CARD6: variants seen among roughly 807,000 people sequenced by gnomAD.
CARD6 encodes the protein caspase recruitment domain-containing protein 6.
Under a neutral mutation model 23.6 loss-of-function variants are expected in CARD6, and 27 were observed. The ratio of observed to expected loss-of-function variants is 1.14; its 90% CI spans 0.84 to 1.58. The LOEUF is 1.58. Among genes scored for constraint, CARD6 ranks in the 40% most tolerant of loss-of-function variants. CARD6 has a pLI of 0.00. For missense variants in CARD6, 1,214 were observed against 1,209.9 expected, an observed-to-expected ratio of 1.00 and a Z score of -0.05; for synonymous variants, 397 against 431.8, an observed-to-expected ratio of 0.92 and a Z score of 1.00.
rs762778936 is a variant in CARD6, at chr5:40,854,091, C to T, written c.2759C>T (p.Thr920Ile). The change falls in exon 3 of 3, where the codon ACA (threonine) becomes ATA (isoleucine). Residue 920 changes from threonine to isoleucine, a missense_variant. Coordinates refer to ENST00000254691, the MANE Select transcript of CARD6 (RefSeq NM_032587.4). Reference sequence around the variant, plus strand: ...TCTCAGCAAGGAGTCCAGATGAAGACACAAGGTGGGGCTTCAAATCCAGCT... The same window carrying T: ...TCTCAGCAAGGAGTCCAGATGAAGATACAAGGTGGGGCTTCAAATCCAGCT... ...PASQQGVQMKTQGGASNPALQ... is the reference protein window; with the variant it reads ...PASQQGVQMKIQGGASNPALQ... 5.6e-6 allele frequency: 9 copies of T among 1,614,198 alleles called. No individual in the cohort carries two copies. Among genetic ancestry groups the T allele is most frequent in the South Asian group, 1.1e-5 (1 of 91,076 alleles).
rs1384205894 is a variant in CARD6, at chr5:40,850,573, T to A, written c.842-1601T>A. 3.0e-4 allele frequency among the ~76,000 whole-genome samples: 44 copies of A among 144,518 alleles called. 1 individual carries two copies. The highest frequency in any genetic ancestry group is 1.0e-3 in the African/African-American group (39 of 38,968). 94.8% of individuals were successfully genotyped at this position (144,518 alleles called of 152,430 possible). Reference sequence around the variant, plus strand: ...CTAAAATACAAAAAAAAAAAAAAAATTAGCTGGGTGTGACGGCGGGCGCCT... The same window carrying A: ...CTAAAATACAAAAAAAAAAAAAAAAATAGCTGGGTGTGACGGCGGGCGCCT... On this transcript the variant is annotated intron_variant, in intron 2 of 2. Coordinates refer to ENST00000254691, the MANE Select transcript of CARD6 (RefSeq NM_032587.4).
intron 2 of CARD6, among the ~76,000 whole-genome samples, chr5:40,847,477 T>C (rs1295503068): frequency 1.3e-5 from 2 of 152,230 alleles, no homozygotes; most frequent in East Asian, 3.8e-4. Context: ...TATATTATTT[T>C]CCTTTAGCCT....
chr5:40,844,931 T>A (rs1745941423), intron 2 of CARD6, among the ~76,000 whole-genome samples: 1 of 150,736 alleles, frequency 6.6e-6, no homozygotes, highest in Admixed American at 6.6e-5. Flanking sequence ...TGCAATGGTG[T>A]GACCTTGCTC....
At chr5:40,848,273 A>C (rs138643817) in intron 2 of CARD6, among the ~76,000 whole-genome samples, 158 of 149,926 alleles carry the variant, frequency 1.1e-3, no homozygotes, top group African/African-American at 3.6e-3. Context: ...GCAGTGGCAC[A>C]ATCTTGGCTC....
At chr5:40,845,439 G>C (rs1399378432) in intron 2 of CARD6, among the ~76,000 whole-genome samples, 1 of 152,056 alleles carries the variant, frequency 6.6e-6, no homozygotes, top group East Asian at 1.9e-4. Context: ...AGGTACTGGG[G>C]GTTAGGATTT....
Position 40,854,177 on chromosome 5 carries a change from C to A in CARD6, c.2845C>A (p.Pro949Thr), listed in dbSNP as rs1268246989. ...TCAGTTCAAATCCGATCAGTCCAAC[C>A]CATCCACAGTCAAACACTCCCAGCC... is the stretch of plus-strand genomic sequence containing the variant. ...SSQFKSDQSN[P>T]STVKHSQPKP... is the part of the protein sequence containing the mutation. Residue 949 changes from proline (P) to threonine (T), a missense_variant, in exon 3 of 3, where the codon CCA (proline) becomes ACA (threonine). Coordinates refer to ENST00000254691, the MANE Select transcript of CARD6 (RefSeq NM_032587.4). The A allele has an allele frequency of 6.2e-7, 1 of 1,614,194 alleles. No homozygotes were observed. Among genetic ancestry groups the A allele is most frequent in the Non-Finnish European group, 8.5e-7 (1 of 1,180,046 alleles).
At chr5:40,841,759 T>C (rs2035854048) in intron 1 of CARD6, 94 bp downstream of exon 1, 1 of 1,047,162 alleles carries the variant, frequency 9.5e-7, no homozygotes, top group South Asian at 1.8e-5. Context: ...GCCTTTTATT[T>C]TTGTTAGTCT....
At chr5:40,843,913 G>A (rs1235655695) in intron 2 of CARD6, among the ~76,000 whole-genome samples, 3 of 152,126 alleles carry the variant, frequency 2.0e-5, no homozygotes, top group African/African-American at 4.8e-5. Context: ...GGAAATGATG[G>A]ACAGCATAAG....
Position 40,852,852 on chromosome 5 carries a change from T to G in CARD6, c.1520T>G (p.Ile507Arg). ...CAAATCTCTGATGGCCTGGTTGAGA[T>G]AACATGGTGTTTTCCTGATAGCGAT... ...PRQISDGLVE[I>R]TWCFPDSDDR... The change falls in exon 3 of 3, where the codon ATA (isoleucine) becomes AGA (arginine). Residue 507 changes from isoleucine (I) to arginine (R), a missense_variant. Coordinates refer to ENST00000254691, the MANE Select transcript of CARD6 (RefSeq NM_032587.4). The G allele has an allele frequency of 6.2e-7, 1 of 1,614,216 alleles. No homozygotes were observed. Among genetic ancestry groups the G allele is most frequent in the Non-Finnish European group, 8.5e-7 (1 of 1,180,044 alleles).
In CARD6 at chr5:40,841,477, C is replaced by T. The variant is rs144759983; in HGVS notation, c.95C>T (p.Thr32Met). The T allele has an allele frequency of 1.7e-4, 274 of 1,613,692 alleles. No homozygotes were observed. The highest frequency in any genetic ancestry group is 2.1e-4 in the Non-Finnish European group (253 of 1,179,902). ...CATGATCCTGATTCTATCTTAGACA[C>T]GTTAACTTCTCGGAGGCTGATTTCT... ...LQHDPDSILD[T>M]LTSRRLISEE... Residue 32 changes from threonine (T) to methionine (M), a missense_variant, in exon 1 of 3, where the codon ACG becomes ATG. By Grantham distance (81) the Thr-to-Met change is moderately conservative. Coordinates refer to ENST00000254691, the MANE Select transcript of CARD6 (RefSeq NM_032587.4).
In CARD6 at chr5:40,852,726, T is replaced by C; in HGVS notation, c.1394T>C (p.Phe465Ser). 2 of 1,613,688 alleles carry C rather than the reference T, an allele frequency of 1.2e-6. No individual in the cohort carries two copies. The highest frequency in any genetic ancestry group is 1.7e-6 in the Non-Finnish European group (2 of 1,179,794). ...TTTGTGCGTCTAGGATACTGTAGCTTCTCTAAGTCCAGAATCCTCAACACA... is the reference window on the plus strand; with the variant it reads ...TTTGTGCGTCTAGGATACTGTAGCTCCTCTAAGTCCAGAATCCTCAACACA... ...ISFVRLGYCS[F>S]SKSRILNTLL... The change falls in exon 3 of 3, where the codon TTC becomes TCC. Residue 465 changes from phenylalanine (F) to serine (S), a missense_variant. Physicochemically the swap from Phe to Ser is radical, Grantham distance 155 (BLOSUM62 -2). Transcript: ENST00000254691.
Position 40,854,472 on chromosome 5 carries a change from G to T in CARD6, c.*26G>T, listed in dbSNP as rs1746154901. ...AGAGCTAACTCCAGAGATCTATAAA[G>T]CATATCCTTTACCCAGGCCATTCCT... On this transcript the variant is annotated 3_prime_UTR_variant, in exon 3 of 3. Transcript: ENST00000254691. 1 of 1,568,692 alleles carries T rather than the reference G, an allele frequency of 6.4e-7. No homozygotes were observed.
In CARD6 at chr5:40,852,486, G is replaced by A. The variant is rs1167195181; in HGVS notation, c.1154G>A (p.Cys385Tyr). The change falls in exon 3 of 3, where the codon TGT (cysteine) becomes TAT (tyrosine). Residue 385 changes from cysteine to tyrosine, a missense_variant. Cys to Tyr is a radical substitution (Grantham distance 194). Coordinates refer to ENST00000254691, the MANE Select transcript of CARD6 (RefSeq NM_032587.4). ...PLDVLCATML[C>Y]SDSSLQRQVM... The stretch of plus-strand genomic sequence containing the variant: ...GACGTGCTTTGTGCCACCATGCTGT[G>A]TTCAGATAGCTCTTTGCAACGCCAA... 3 of 1,614,218 alleles carry A rather than the reference G, an allele frequency of 1.9e-6. No individual in the cohort carries two copies. Among genetic ancestry groups the A allele is most frequent in the African/African-American group, 1.3e-5 (1 of 75,064 alleles).
Position 40,853,247 on chromosome 5 carries a change from A to C in CARD6, c.1915A>C (p.Arg639=). 1 of 1,614,184 alleles carries C rather than the reference A, an allele frequency of 6.2e-7. No homozygotes were observed. The highest frequency in any genetic ancestry group is 8.5e-7 in the Non-Finnish European group (1 of 1,180,022). The change falls in exon 3 of 3, where the codon AGA becomes CGA. Residue 639 remains arginine, a synonymous_variant. Transcript: ENST00000254691. ...GGAAGTGATGTTCTCTTCTTGCCTC[A>C]GATGTGTGTCTGTGGAGGATATGGC... ...LQEVMFSSCL[R]CVSVEDMAAL...
chr5:40,846,901 G>T (rs1476354179), intron 2 of CARD6, among the ~76,000 whole-genome samples: 1 of 152,112 alleles, frequency 6.6e-6, no homozygotes, highest in Non-Finnish European at 1.5e-5. Flanking sequence ...CATTACTTCT[G>T]CCACATTCTG....
At position 40,852,184 on chromosome 5, in the gene CARD6, G is replaced by T. The variant is rs1419316080; in HGVS notation, c.852G>T (p.Lys284Asn). Residue 284 changes from lysine (K) to asparagine (N), a missense_variant, in exon 3 of 3, where the codon AAG (lysine) becomes AAT (asparagine). Transcript: ENST00000254691. ...EQEKSIEERK[K>N]VFKDVLLCLN... is the part of the protein sequence containing the mutation. ...TCTTCTCTCCTACAGAAAGAAAAAA[G>T]GTGTTTAAAGATGTCCTGTTATGTT... The T allele has an allele frequency of 6.3e-7, 1 of 1,598,084 alleles. No homozygotes were observed. Among genetic ancestry groups the T allele is most frequent in the Non-Finnish European group, 8.5e-7 (1 of 1,170,158 alleles).
chr5:40,852,806 C>T lies in CARD6; in HGVS notation c.1474C>T (p.Pro492Ser). Residue 492 changes from proline (P) to serine (S), a missense_variant, in exon 3 of 3, where the codon CCT becomes TCT. Physicochemically the swap from Pro to Ser is moderately conservative, Grantham distance 74. Coordinates refer to ENST00000254691, the MANE Select transcript of CARD6 (RefSeq NM_032587.4). The part of the protein sequence containing the change: ...LHKIFLHQDL[P>S]LLVLPRQISD... The stretch of plus-strand genomic sequence containing the variant: ...CAAAATCTTTCTTCATCAAGATTTG[C>T]CTCTTTTGGTGCTTCCCCGGCAAAT... The T allele has an allele frequency of 6.2e-7, 1 of 1,614,174 alleles. No individual in the cohort carries two copies.
chr5:40,846,933 G>A (rs1638253084), intron 2 of CARD6, among the ~76,000 whole-genome samples: 1 of 152,132 alleles, frequency 6.6e-6, no homozygotes. Flanking sequence ...AAGTCTCAAA[G>A]CCAGGTTTAG....
Position 40,852,909 on chromosome 5 carries a change from C to A in CARD6, c.1577C>A (p.Pro526His), listed in dbSNP as rs1440202360. ...AAGGAAAACCCCTTTTTCCAAAAGC[C>A]TGTTGCTCTGGCTAATCTCCGTGGA... ...DRKENPFFQKPVALANLRGNL... is the reference protein window; with the variant it reads ...DRKENPFFQKHVALANLRGNL... Residue 526 changes from proline (P) to histidine (H), a missense_variant, in exon 3 of 3, where the codon CCT (proline) becomes CAT (histidine). Physicochemically the swap from Pro to His is moderately conservative, Grantham distance 77. Transcript: ENST00000254691. 1 of 1,613,590 alleles carries A rather than the reference C, an allele frequency of 6.2e-7. No homozygotes were observed. The highest frequency in any genetic ancestry group is 1.7e-5 in the Admixed American group (1 of 59,784).
Sources: allele counts gnomAD v4.1 joint callset (sites outside exome capture counted in the v4.1 genomes callset), GRCh38; gene constraint gnomAD v4.1.1; transcripts MANE v1.5; gene names NCBI Gene and HGNC (gene_info 2026-07-23, HGNC 2026-07-21).